FAM167A: variants seen among roughly 807,000 people sequenced by gnomAD.
FAM167A encodes protein FAM167A.
Under a neutral mutation model 14.9 loss-of-function variants are expected in FAM167A, and 23 were observed. The observed-to-expected ratio is 1.55, with a 90% CI of 1.11 to 2.19. The LOEUF (loss-of-function observed/expected upper bound fraction) is 2.19, where lower values mean the gene tolerates loss of function less well. FAM167A is among the 30% of genes most tolerant of loss of function. FAM167A has a pLI of 0.00. For synonymous variants in FAM167A, 174 were observed against 117.7 expected (o/e 1.48, Z -3.10); for missense variants, 401 against 281.5 (o/e 1.42, Z -3.04).
intron 1 of FAM167A, chr8:11,446,399 T>C (rs573466147): frequency 1.3e-5 from 2 of 151,550 alleles, no homozygotes; most frequent in African/African-American, 4.9e-5. Context: ...AAACCCGCTG[T>C]CACCTCCAGC....
intron 2 of FAM167A, among the ~76,000 whole-genome samples, chr8:11,437,437 G>A (rs562387272): frequency 6.6e-6 from 1 of 152,274 alleles, no homozygotes; most frequent in Admixed American, 6.5e-5. Flanking sequence ...CTGCCAAGTA[G>A]GGATTTATCA....
At chr8:11,442,749 C>G (rs971730456) in intron 2 of FAM167A, among the ~76,000 whole-genome samples, 4 of 151,954 alleles carry the variant, frequency 2.6e-5, no homozygotes, top group African/African-American at 9.7e-5. Context: ...GGCTCAAACC[C>G]GCAGGTGCCT....
In FAM167A at chr8:11,424,240, G is replaced by C; in HGVS notation, c.*133C>G. 2.5e-6 allele frequency: 3 copies of C among 1,186,006 alleles called. No individual in the cohort carries two copies. The highest frequency in any genetic ancestry group is 3.5e-6 in the Non-Finnish European group (3 of 847,908). The allele number at this position is 1,186,006 out of a possible 1,614,324, so 73.5% of individuals were successfully genotyped here. ...GGAGAGCACCACTGAATAGGTCCTGGGGCCCTTGAGTCGCCAGTCCCAGGG... is the reference window on the plus strand; with the variant it reads ...GGAGAGCACCACTGAATAGGTCCTGCGGCCCTTGAGTCGCCAGTCCCAGGG... On this transcript the variant is annotated 3_prime_UTR_variant, in exon 3 of 3. Coordinates refer to ENST00000284486, the MANE Select transcript of FAM167A (RefSeq NM_053279.3).
chr8:11,449,856 TG>T (rs1806953633), intron 1 of FAM167A, among the ~76,000 whole-genome samples: 2 of 152,138 alleles, frequency 1.3e-5, no homozygotes, highest in African/African-American at 2.4e-5. Context: ...AGGAGCCAGG[TG>T]GGGGCAGCTC....
At chr8:11,471,152 C>T (rs1184109195), upstream of FAM167A, among the ~76,000 whole-genome samples, 1 of 152,076 alleles carries the variant, frequency 6.6e-6, no homozygotes, top group African/African-American at 2.4e-5. Context: ...CTAGGTGAGG[C>T]GGAGGAGTGG....
chr8:11,458,891 A>G (rs1409057890), intron 1 of FAM167A, among the ~76,000 whole-genome samples: 4 of 152,198 alleles, frequency 2.6e-5, no homozygotes, highest in African/African-American at 4.8e-5. Context: ...AATGCACCAG[A>G]AGATTCTCTT....
chr8:11,450,648 G>A (rs963066430), intron 1 of FAM167A, among the ~76,000 whole-genome samples: 3 of 152,180 alleles, frequency 2.0e-5, no homozygotes, highest in South Asian at 2.1e-4. Flanking sequence ...CTTTTATGCT[G>A]GACCCTCCAG....
rs958522611 is a variant in FAM167A at position 11,422,364 on chromosome 8, G to C, written c.*2009C>G. 18 of 110,598 alleles carry C rather than the reference G, an allele frequency of 1.6e-4. No homozygotes were observed. Among genetic ancestry groups the C allele is most frequent in the Admixed American group, 1.2e-3 (15 of 13,018 alleles). The allele number at this position is 110,598 out of a possible 1,614,324, so 6.9% of individuals were successfully genotyped here. A position where few individuals can be genotyped will look rare whatever the true frequency, so the allele number is the denominator to read the frequency against. ...ATGGCATGTTCTCTGTCGTGTGTGT[G>C]TGTGTGGGGGTGTGTGTGTGTGTGT... On this transcript the variant is annotated 3_prime_UTR_variant, in exon 3 of 3. Transcript: ENST00000284486.
chr8:11,436,285 G>A (rs113626480), intron 2 of FAM167A, among the ~76,000 whole-genome samples: 15 of 152,318 alleles, frequency 9.8e-5, no homozygotes, highest in South Asian at 8.3e-4. Flanking sequence ...GGCCAGGCCC[G>A]CCACTAGGGG....
At chr8:11,429,035 A>T (rs1422569661) in intron 2 of FAM167A, among the ~76,000 whole-genome samples, 1 of 133,596 alleles carries the variant, frequency 7.5e-6, no homozygotes. Flanking sequence ...AATTAAGTAC[A>T]TTCACGTTGT....
In FAM167A at chr8:11,422,789, C is replaced by T. The variant is rs1260285001; in HGVS notation, c.*1584G>A. On this transcript the variant is annotated 3_prime_UTR_variant, in exon 3 of 3. Coordinates refer to ENST00000284486, the MANE Select transcript of FAM167A (RefSeq NM_053279.3). ...TTACACAGGAAGAAGTCACAGTAGACAGAGCAGCCAGATGCCGTGCGTAGA... is the reference window on the plus strand; with the variant it reads ...TTACACAGGAAGAAGTCACAGTAGATAGAGCAGCCAGATGCCGTGCGTAGA... 1.3e-5 allele frequency: 2 copies of T among 152,396 alleles called. No homozygotes were observed. Among genetic ancestry groups the T allele is most frequent in the Admixed American group, 6.5e-5 (1 of 15,274 alleles). 9.4% of individuals were successfully genotyped at this position (152,396 alleles called of 1,614,324 possible). A position where few individuals can be genotyped will look rare whatever the true frequency, so the allele number is the denominator to read the frequency against.
At chr8:11,427,746 G>A (rs1805282369) in intron 2 of FAM167A, among the ~76,000 whole-genome samples, 2 of 152,124 alleles carry the variant, frequency 1.3e-5, no homozygotes, top group Admixed American at 1.3e-4. Context: ...GTCTTGCTTG[G>A]GAGTCAGCAA....
At chr8:11,427,638 G>A (rs184782666) in intron 2 of FAM167A, among the ~76,000 whole-genome samples, 41 of 152,262 alleles carry the variant, frequency 2.7e-4, no homozygotes, top group Non-Finnish European at 5.1e-4. Flanking sequence ...CCTTGCCAGC[G>A]AGCATCTCAA....
At chr8:11,458,946 C>T (rs1301353378) in intron 1 of FAM167A, among the ~76,000 whole-genome samples, 1 of 152,260 alleles carries the variant, frequency 6.6e-6, no homozygotes, top group Non-Finnish European at 1.5e-5. Context: ...CTAGCCTGGG[C>T]TTCAGGAGGG....
intron 2 of FAM167A, 97 bp from the exon 3 acceptor site, chr8:11,424,733 C>T: frequency 2.7e-6 from 4 of 1,481,698 alleles, no homozygotes; most frequent in Non-Finnish European, 9.1e-7. Flanking sequence ...TGTCTTAGTT[C>T]ATTAAGTGGT....
upstream of FAM167A, chr8:11,467,505 G>C (rs939031124): frequency 1.3e-5 from 2 of 152,356 alleles, no homozygotes; most frequent in African/African-American, 4.8e-5. Flanking sequence ...TACTGGATGG[G>C]GGTCTCTTAC....
rs762338989 is a variant in FAM167A at position 11,424,533 on chromosome 8, C to A, written c.485G>T (p.Arg162Met). ...CTCGTAGGTGGCATCGTTGAGCATC[C>A]TCCTGTGGAGGCGGCAGGTGTGTTC... ...KIEHTCRLHR[R>M]MLNDATYELE... Residue 162 changes from arginine to methionine, a missense_variant, in exon 3 of 3, where the codon AGG becomes ATG. Physicochemically the swap from Arg to Met is moderately conservative, Grantham distance 91. Coordinates refer to ENST00000284486, the MANE Select transcript of FAM167A (RefSeq NM_053279.3). The A allele has an allele frequency of 3.1e-6, 5 of 1,614,210 alleles. No homozygotes were observed. The highest frequency in any genetic ancestry group is 2.2e-5 in the East Asian group (1 of 44,876).
chr8:11,444,004 TG>T, intron 2 of FAM167A, 26 bp downstream of exon 2: 1 of 1,590,144 alleles, frequency 6.3e-7, no homozygotes, highest in Non-Finnish European at 8.6e-7. Context: ...TCCTCTTTTC[TG>T]GGGATTCTTG....
At chr8:11,458,785 G>GAAA (rs149357201) in intron 1 of FAM167A, among the ~76,000 whole-genome samples, 4 of 147,714 alleles carry the variant, frequency 2.7e-5, no homozygotes, top group African/African-American at 7.4e-5. Context: ...CGAACTAAGG[G>GAAA]AAAAAAAAAA....
Sources: allele counts gnomAD v4.1 joint callset (sites outside exome capture counted in the v4.1 genomes callset), GRCh38; gene constraint gnomAD v4.1.1; transcripts MANE v1.5; gene names NCBI Gene and HGNC (gene_info 2026-07-23, HGNC 2026-07-21).